Variants in TDRD6 observed in about 807,000 individuals in gnomAD.
TDRD6 encodes tudor domain-containing protein 6.
Under a neutral mutation model 157.5 loss-of-function variants are expected in TDRD6, and 186 were observed. That is an observed-to-expected ratio of 1.18 (90% CI 1.05 to 1.33). The LOEUF is 1.33. Among genes scored for constraint, TDRD6 ranks in the 40% most tolerant of loss-of-function variants. The probability of loss-of-function intolerance (pLI) is 0.00; values close to 1 mark genes in which losing one functional copy is unlikely to be tolerated. For synonymous variants in TDRD6, 1,075 were observed against 945.2 expected, an observed-to-expected ratio of 1.14 and a Z score of -2.52; for missense variants, 3,066 against 2,508.0, an observed-to-expected ratio of 1.22 and a Z score of -4.75.
At chr6:46,696,209 C>G (rs1263295228) in intron 2 of TDRD6, among the ~76,000 whole-genome samples, 1 of 151,986 alleles carries the variant, frequency 6.6e-6, no homozygotes, top group African/African-American at 2.4e-5. Context: ...CATCTTATCT[C>G]TTAGTTGGAA....
chr6:46,688,373 A>G lies in TDRD6; in HGVS notation c.245A>G (p.His82Arg). The stretch of plus-strand genomic sequence containing the variant: ...CTGGTGCAGGTCGGGCTTTTGTGGC[A>G]CCGCTGCCGCGTGGTCAGCCGGCAG... ...LCLVQVGLLW[H>R]RCRVVSRQAQ... The change falls in exon 1 of 4, where the codon CAC becomes CGC. Residue 82 changes from histidine to arginine, a missense_variant. His to Arg is a conservative substitution (Grantham distance 29). Transcript: ENST00000316081. 6.5e-7 allele frequency: 1 copy of G among 1,534,254 alleles called. No homozygotes were observed. The highest frequency in any genetic ancestry group is 8.7e-7 in the Non-Finnish European group (1 of 1,144,642).
rs746576872 is a variant in TDRD6 at position 46,690,880 on chromosome 6, C to A, written c.2752C>A (p.Leu918Ile). ...EFIDNAWQKN[L>I]ELKCTIFALA... ...TATAGATAATGCATGGCAAAAAAAT[C>A]TAGAATTAAAATGTACAATATTTGC... Residue 918 changes from leucine to isoleucine, a missense_variant, in exon 1 of 4, where the codon CTA becomes ATA. Transcript: ENST00000316081. 3 of 1,613,584 alleles carry A rather than the reference C, an allele frequency of 1.9e-6. No homozygotes were observed. Among genetic ancestry groups the A allele is most frequent in the East Asian group, 2.2e-5 (1 of 44,862 alleles).
upstream of TDRD6, among the ~76,000 whole-genome samples, chr6:46,686,460 A>G (rs1394896109): frequency 6.7e-6 from 1 of 148,884 alleles, no homozygotes; most frequent in African/African-American, 2.5e-5. Flanking sequence ...ACAAAATATA[A>G]TAATATAGAA....
In TDRD6 at chr6:46,693,405, CATT is replaced by C. The variant is rs756330992; in HGVS notation, c.5281_5283del (p.Ile1761del). 2 of 1,613,730 alleles carry C rather than the reference CATT, an allele frequency of 1.2e-6. No homozygotes were observed. Among genetic ancestry groups the C allele is most frequent in the Non-Finnish European group, 1.7e-6 (2 of 1,179,946 alleles). The stretch of plus-strand genomic sequence containing the variant: ...CTGAAATAACTGAAAAAGATGTAAA[CATT>C]ATTGGAACCAAACCAAGTAACTTCC... On this transcript the variant is annotated inframe_deletion, in exon 1 of 4. Transcript: ENST00000316081.
In TDRD6 at chr6:46,689,826, T is replaced by A. The variant is rs757146718; in HGVS notation, c.1698T>A (p.Asp566Glu). The change falls in exon 1 of 4, where the codon GAT becomes GAA. Residue 566 changes from aspartate to glutamate, a missense_variant. Transcript: ENST00000316081. ...IVTKLDDKSV[D>E]VFLVDRGNSE... Reference sequence around the variant, plus strand: ...CCAAATTGGATGACAAGAGTGTGGATGTATTCTTAGTTGACCGAGGCAATT... The same window carrying A: ...CCAAATTGGATGACAAGAGTGTGGAAGTATTCTTAGTTGACCGAGGCAATT... 1.9e-6 allele frequency: 3 copies of A among 1,614,042 alleles called. No homozygotes were observed. The Admixed American group carries it at 5.0e-5, about 27-fold the overall frequency.
At chr6:46,700,774 C>T (rs1764605371) in intron 3 of TDRD6, among the ~76,000 whole-genome samples, 1 of 152,098 alleles carries the variant, frequency 6.6e-6, no homozygotes. Context: ...ACTTTACTCC[C>T]TGTGTAGAGT....
In TDRD6 at chr6:46,703,693, A is replaced by G. The variant is rs1764680892; in HGVS notation, c.*1806A>G. 1 of 152,198 alleles carries G rather than the reference A, an allele frequency of 6.6e-6. No homozygotes were observed. 9.4% of individuals were successfully genotyped at this position (152,198 alleles called of 1,614,324 possible). On this transcript the variant is annotated 3_prime_UTR_variant, in exon 4 of 4. Coordinates refer to ENST00000316081, the MANE Select transcript of TDRD6 (RefSeq NM_001010870.3). ...ATTTTTACCTCCATTTAATCGTGTT[A>G]TTCTGTTTTACTACTACATATAGAA...
chr6:46,696,533 G>A (rs7453320), intron 2 of TDRD6, among the ~76,000 whole-genome samples: 30 of 118,836 alleles, frequency 2.5e-4, no homozygotes, highest in African/African-American at 7.9e-4. Context: ...GTGTATATAT[G>A]TGTATATATA....
chr6:46,701,785 A>ATGG, intron 3 of TDRD6, 73 bp from the exon 4 acceptor site: 1 of 1,471,070 alleles, frequency 6.8e-7, no homozygotes, highest in African/African-American at 1.4e-5. Flanking sequence ...TTGTCATGGT[A>ATGG]ACACCCATGG....
Position 46,689,448 on chromosome 6 carries a change from T to C in TDRD6, c.1320T>C (p.Cys440=). Residue 440 remains cysteine, a synonymous_variant, in exon 1 of 4, where the codon TGT becomes TGC. Transcript: ENST00000316081. ...NLNRVFGVQS[C]CLADRVLQSQ... ...ACCGTGTGTTTGGAGTACAGTCGTG[T>C]TGCTTGGCTGACCGAGTCCTTCAGA... 1 of 1,613,430 alleles carries C rather than the reference T, an allele frequency of 6.2e-7. No individual in the cohort carries two copies. Among genetic ancestry groups the C allele is most frequent in the East Asian group, 2.2e-5 (1 of 44,876 alleles).
Position 46,696,853 on chromosome 6 carries a change from C to T in TDRD6, c.6171+908C>T, listed in dbSNP as rs148444808. Among the ~76,000 whole-genome samples, 320 of 151,372 alleles carry T rather than the reference C, an allele frequency of 2.1e-3. 4 individuals carry two copies. The East Asian group carries it at 0.03, about 14-fold the overall frequency. Reference sequence around the variant, plus strand: ...GTCTCGATCTCCTGACCTTGTGATCCGCCCACCTCAGCCTCCCAAAGTGCT... The same window carrying T: ...GTCTCGATCTCCTGACCTTGTGATCTGCCCACCTCAGCCTCCCAAAGTGCT... On this transcript the variant is annotated intron_variant, in intron 2 of 3. Coordinates refer to ENST00000316081, the MANE Select transcript of TDRD6 (RefSeq NM_001010870.3).
In TDRD6 at chr6:46,688,450, G is replaced by A. The variant is rs1257749402; in HGVS notation, c.322G>A (p.Gly108Arg). ...LLDEGRTITA[G>R]AGSLAPGRRE... ...GGACGAGGGCCGCACCATCACGGCC[G>A]GAGCAGGCTCGCTGGCGCCTGGGCG... Residue 108 changes from glycine (G) to arginine (R), a missense_variant, in exon 1 of 4, where the codon GGA (glycine) becomes AGA (arginine). Coordinates refer to ENST00000316081, the MANE Select transcript of TDRD6 (RefSeq NM_001010870.3). 1 of 1,543,212 alleles carries A rather than the reference G, an allele frequency of 6.5e-7. No individual in the cohort carries two copies.
Position 46,692,848 on chromosome 6 carries a change from TGTATA to T in TDRD6, c.4724_4728del (p.Ile1575LysfsTer10), listed in dbSNP as rs773900918. On this transcript the variant is annotated frameshift_variant, in exon 1 of 4. Transcript: ENST00000316081. LOFTEE classifies it high-confidence loss of function. ...CCCATGTCCTTATATTGGAGATCCT[TGTATA>T]GTAAGATACAGAGAAGATGGACATT... 3.1e-5 allele frequency: 50 copies of T among 1,613,996 alleles called. No individual in the cohort carries two copies. The highest frequency in any genetic ancestry group is 3.7e-5 in the Non-Finnish European group (44 of 1,180,006).
upstream of TDRD6, chr6:46,687,773 T>G: frequency 4.4e-6 from 1 of 229,002 alleles, no homozygotes; most frequent in Non-Finnish European, 8.5e-6. Flanking sequence ...CGGGGTCTCC[T>G]GAACGTCCCA....
rs1235662137 is a variant in TDRD6, at chr6:46,689,642, G to C, written c.1514G>C (p.Arg505Thr). Residue 505 changes from arginine to threonine, a missense_variant, in exon 1 of 4, where the codon AGG (arginine) becomes ACG (threonine). Physicochemically the swap from Arg to Thr is moderately conservative, Grantham distance 71. Coordinates refer to ENST00000316081, the MANE Select transcript of TDRD6 (RefSeq NM_001010870.3). Reference sequence around the variant, plus strand: ...AAAAATCCTTCTGAGTTTTGGATTAGGTTGAGGAAACACAATGTCACCTTC... The same window carrying C: ...AAAAATCCTTCTGAGTTTTGGATTACGTTGAGGAAACACAATGTCACCTTC... Reference protein sequence around the residue: ...FVKNPSEFWIRLRKHNVTFSK... With the variant: ...FVKNPSEFWITLRKHNVTFSK... 3.1e-6 allele frequency: 5 copies of C among 1,614,216 alleles called. No individual in the cohort carries two copies. In the African/African-American group the frequency reaches 6.7e-5, roughly 22 times the overall value.
chr6:46,701,044 G>T, intron 3 of TDRD6: 2 of 455,524 alleles, frequency 4.4e-6, no homozygotes, highest in East Asian at 7.1e-5. Context: ...CATGTCAGTG[G>T]GTGATACCAC....
chr6:46,689,868 G>A lies in TDRD6; in HGVS notation c.1740G>A (p.Trp580Ter), dbSNP rs867608924. ...GAGGCAATTCGGAAAATGTGGACTG[G>A]TATGACGTAAGGATGCTGCTTCCTC... is the stretch of plus-strand genomic sequence containing the variant. ...VDRGNSENVD[W>*]YDVRMLLPQF... Residue 580 changes from tryptophan to a stop codon, truncating the protein, a stop_gained, in exon 1 of 4, where the codon TGG (tryptophan) becomes TGA (stop). Transcript: ENST00000316081. LOFTEE classifies it high-confidence loss of function. The A allele has an allele frequency of 2.5e-6, 4 of 1,614,042 alleles. No individual in the cohort carries two copies. The highest frequency in any genetic ancestry group is 1.6e-4 in the Middle Eastern group (1 of 6,084).
At position 46,703,791 on chromosome 6, in the gene TDRD6, A is replaced by G. The variant is rs930538637; in HGVS notation, c.*1904A>G. 3.9e-5 allele frequency: 6 copies of G among 152,120 alleles called. No individual in the cohort carries two copies. The highest frequency in any genetic ancestry group is 1.4e-4 in the African/African-American group (6 of 41,448). The allele number at this position is 152,120 out of a possible 1,614,324, so 9.4% of individuals were successfully genotyped here. A position where few individuals can be genotyped will look rare whatever the true frequency, so the allele number is the denominator to read the frequency against. On this transcript the variant is annotated 3_prime_UTR_variant, in exon 4 of 4. Transcript: ENST00000316081. Reference sequence around the variant, plus strand: ...AATTCTGAATGTTTTATTATCCTTCACAGCCTTTGTGTGAGTAACTAATGT... The same window carrying G: ...AATTCTGAATGTTTTATTATCCTTCGCAGCCTTTGTGTGAGTAACTAATGT...
At chr6:46,686,476 TAA>T (rs35028991), upstream of TDRD6, among the ~76,000 whole-genome samples, 146 of 127,794 alleles carry the variant, frequency 1.1e-3, 1 homozygote, top group Middle Eastern at 0.012. Flanking sequence ...TAGAAGTATG[TAA>T]AAAAAAAAAA....
Sources: gnomAD v4.1 joint callset for allele counts (sites outside exome capture counted in the v4.1 genomes callset) on GRCh38, gnomAD v4.1.1 for gene constraint, MANE v1.5 for transcripts, NCBI Gene and HGNC (gene_info 2026-07-23, HGNC 2026-07-21) for gene names.